The following ETV1 variants were observed in gnomAD, a reference collection of about 807,000 sequenced individuals.
ETV1 encodes the protein ETS variant transcription factor 1, also known as ETS translocation variant 1.
In ETV1, 27 loss-of-function variants were observed where a neutral mutation model predicts 62.3. The observed-to-expected ratio is 0.43, with a 90% CI of 0.32 to 0.60. The LOEUF is 0.60. Ranked by LOEUF, ETV1 falls within the 20% of genes least tolerant of loss-of-function variation. ETV1 has a pLI of 0.06. For missense variants in ETV1, 605 were observed against 605.8 expected (o/e 1.00, Z 0.01); for synonymous variants, 222 against 199.6 (o/e 1.11, Z -0.94).
intron 3 of ETV1, 125 bp downstream of exon 3, chr7:13,988,883 T>A (rs1782810056): frequency 6.4e-7 from 1 of 1,558,502 alleles, no homozygotes; most frequent in African/African-American, 1.4e-5. Flanking sequence ...CGCCCTACAG[T>A]GGCAACAAAG....
At chr7:13,930,427 C>G (rs1583671431) in intron 9 of ETV1, among the ~76,000 whole-genome samples, 1 of 151,570 alleles carries the variant, frequency 6.6e-6, no homozygotes, top group Middle Eastern at 3.4e-3. Flanking sequence ...GTTCAAGCAA[C>G]TTTCCTGCCT....
chr7:13,980,332 A>G (rs560475723), intron 5 of ETV1, among the ~76,000 whole-genome samples: 1 of 152,322 alleles, frequency 6.6e-6, no homozygotes, highest in South Asian at 2.1e-4. Flanking sequence ...CTTGTATCAT[A>G]CATTTCCTTT....
chr7:13,931,790 T>G (rs756027714), intron 8 of ETV1, 41 bp from the exon 9 acceptor site: 5 of 1,602,090 alleles, frequency 3.1e-6, no homozygotes. Context: ...AACGGTAACA[T>G]GGAACATTCT....
At chr7:13,917,188 G>A (rs750021400) in intron 9 of ETV1, among the ~76,000 whole-genome samples, 5 of 151,786 alleles carry the variant, frequency 3.3e-5, no homozygotes, top group African/African-American at 7.3e-5. Context: ...TACTAGGCTC[G>A]CACTATTACA....
At chr7:13,957,639 T>C (rs999475023) in intron 6 of ETV1, among the ~76,000 whole-genome samples, 2 of 152,232 alleles carry the variant, frequency 1.3e-5, no homozygotes, top group Admixed American at 6.5e-5. Flanking sequence ...AATCTAGTTC[T>C]TTAGAACAAT....
intron 9 of ETV1, among the ~76,000 whole-genome samples, chr7:13,919,886 C>A (rs11489314): frequency 0.029 from 4,459 of 152,016 alleles, 88 homozygotes; most frequent in African/African-American, 0.05. Context: ...CAAAGACACA[C>A]ACACAGAGAG....
At chr7:13,946,340 G>A (rs1583745501) in intron 6 of ETV1, among the ~76,000 whole-genome samples, 1 of 152,294 alleles carries the variant, frequency 6.6e-6, no homozygotes, top group South Asian at 2.1e-4. Context: ...TTTGATGGAA[G>A]CTTGACCTTT....
At chr7:13,975,252 T>C (rs55872917) in intron 6 of ETV1, among the ~76,000 whole-genome samples, 2,150 of 152,140 alleles carry the variant, frequency 0.014, 42 homozygotes, top group African/African-American at 0.049. Context: ...AGTGCTGGCA[T>C]GGTGCATGTA....
At chr7:13,900,611 G>A (rs1008519033) in intron 13 of ETV1, 127 bp downstream of exon 13, 1 of 647,186 alleles carries the variant, frequency 1.5e-6, no homozygotes, top group Non-Finnish European at 2.6e-6. Flanking sequence ...AAAACCAAGA[G>A]CTAAGCATTT....
At chr7:13,986,300 G>C in intron 5 of ETV1, 1 of 1,502,998 alleles carries the variant, frequency 6.7e-7, no homozygotes, top group Non-Finnish European at 8.8e-7. Context: ...GGCTCTAGGA[G>C]GTCTCTGGAG....
intron 6 of ETV1, among the ~76,000 whole-genome samples, chr7:13,949,280 A>G (rs1255265362): frequency 6.6e-6 from 1 of 152,206 alleles, no homozygotes; most frequent in Non-Finnish European, 1.5e-5. Context: ...TTTTATACAA[A>G]TATATGTAGT....
At chr7:13,907,090 A>G (rs537344075) in intron 11 of ETV1, among the ~76,000 whole-genome samples, 2 of 152,296 alleles carry the variant, frequency 1.3e-5, no homozygotes, top group South Asian at 2.1e-4. Context: ...ATGAAAAACT[A>G]TTGAAAATTT....
intron 6 of ETV1, among the ~76,000 whole-genome samples, chr7:13,969,579 T>G (rs1780667761): frequency 6.6e-6 from 1 of 152,146 alleles, no homozygotes; most frequent in African/African-American, 2.4e-5. Flanking sequence ...CACCTAACAG[T>G]TCCTTAGAGA....
chr7:13,901,123 G>T (rs970910866), intron 12 of ETV1, among the ~76,000 whole-genome samples: 9 of 151,760 alleles, frequency 5.9e-5, no homozygotes, highest in African/African-American at 2.2e-4. Flanking sequence ...TCCTGCCTCA[G>T]CCTTCTGAGT....
intron 6 of ETV1, among the ~76,000 whole-genome samples, chr7:13,943,142 C>T (rs762658364): frequency 2.0e-5 from 3 of 152,102 alleles, no homozygotes; most frequent in Non-Finnish European, 2.9e-5. Flanking sequence ...ACAAATTCCC[C>T]ACTTAAAAAA....
Position 13,892,884 on chromosome 7 carries a change from T to C in ETV1, c.*2982A>G, listed in dbSNP as rs928554785. On this transcript the variant is annotated 3_prime_UTR_variant, in exon 14 of 14. Coordinates refer to ENST00000430479, the MANE Select transcript of ETV1 (RefSeq NM_004956.5). ...AGACCTAAGGACATCTTGGTTTTAG[T>C]CTCTTAAGGCTTCTTTTGAACTTCT... The C allele has an allele frequency of 2.6e-5, 6 of 232,004 alleles. No individual in the cohort carries two copies. Among genetic ancestry groups the C allele is most frequent in the Non-Finnish European group, 1.7e-5 (2 of 117,370 alleles). The allele number at this position is 232,004 out of a possible 1,614,324, so 14.4% of individuals were successfully genotyped here. A position where few individuals can be genotyped will look rare whatever the true frequency, so the allele number is the denominator to read the frequency against.
chr7:13,959,168 A>G (rs1296098606), intron 6 of ETV1: 1 of 152,006 alleles, frequency 6.6e-6, no homozygotes, highest in Admixed American at 6.5e-5. Flanking sequence ...TGAATGCTCT[A>G]TTTTATCCTC....
chr7:13,895,736 G>A lies in ETV1; in HGVS notation c.*130C>T. The A allele has an allele frequency of 1.4e-6, 1 of 697,106 alleles. No homozygotes were observed. The highest frequency in any genetic ancestry group is 2.7e-5 in the East Asian group (1 of 36,950). The allele number at this position is 697,106 out of a possible 1,614,324, so 43.2% of individuals were successfully genotyped here. A position where few individuals can be genotyped will look rare whatever the true frequency, so the allele number is the denominator to read the frequency against. ...ACCATAGAATAATGCAACAGGAAAAGCCCCTTTTTGTGTATTATTATTTAA... is the reference window on the plus strand; with the variant it reads ...ACCATAGAATAATGCAACAGGAAAAACCCCTTTTTGTGTATTATTATTTAA... On this transcript the variant is annotated 3_prime_UTR_variant, in exon 14 of 14. Coordinates refer to ENST00000430479, the MANE Select transcript of ETV1 (RefSeq NM_004956.5).
intron 8 of ETV1, among the ~76,000 whole-genome samples, chr7:13,935,119 T>C (rs558664730): frequency 2.0e-5 from 3 of 152,338 alleles, no homozygotes; most frequent in Admixed American, 2.0e-4. Flanking sequence ...ATCTATGCTA[T>C]GCTTCTTGCC....
Sources: gnomAD v4.1 joint callset for allele counts (sites outside exome capture counted in the v4.1 genomes callset) on GRCh38, gnomAD v4.1.1 for gene constraint, MANE v1.5 for transcripts, NCBI Gene and HGNC (gene_info 2026-07-23, HGNC 2026-07-21) for gene names.